Variants in DCAF1 observed in about 807,000 individuals in gnomAD.
DCAF1 encodes DDB1 and CUL4 associated factor 1.
Under a neutral mutation model 128.0 loss-of-function variants are expected in DCAF1, and 15 were observed. The observed-to-expected ratio is 0.12, with a 90% CI of 0.08 to 0.18. The LOEUF is 0.18. Ranked by LOEUF, DCAF1 falls within the 10% of genes least tolerant of loss-of-function variation. The pLI, the probability that DCAF1 is intolerant of heterozygous loss-of-function variation, is 1.00. For synonymous variants in DCAF1, 610 were observed against 603.0 expected, an observed-to-expected ratio of 1.01 and a Z score of -0.17; for missense variants, 988 against 1,649.5, an observed-to-expected ratio of 0.60 and a Z score of 6.95.
At chr3:51,481,064 C>T (rs1256158464) in intron 3 of DCAF1, among the ~76,000 whole-genome samples, 1 of 152,062 alleles carries the variant, frequency 6.6e-6, no homozygotes, top group Non-Finnish European at 1.5e-5. Flanking sequence ...GTCACTGGAA[C>T]GTGGGAATCC....
intron 5 of DCAF1, among the ~76,000 whole-genome samples, chr3:51,464,634 G>A (rs1370788400): frequency 6.6e-6 from 1 of 151,622 alleles, no homozygotes; most frequent in Non-Finnish European, 1.5e-5. Context: ...GGTCAAGGCT[G>A]CAGTGAGTGA....
intron 18 of DCAF1, among the ~76,000 whole-genome samples, chr3:51,415,973 G>A (rs1698844136): frequency 6.6e-6 from 1 of 151,948 alleles, no homozygotes; most frequent in African/African-American, 2.4e-5. Flanking sequence ...CAGGGCCAAG[G>A]TCCTCCATTT....
intron 9 of DCAF1, among the ~76,000 whole-genome samples, chr3:51,437,685 C>T (rs888560884): frequency 6.6e-6 from 1 of 151,770 alleles, no homozygotes; most frequent in African/African-American, 2.4e-5. Context: ...CAGGGTGGTG[C>T]GCACCTGCAG....
downstream of DCAF1, chr3:51,397,343 G>T (rs146765417): frequency 1.8e-5 from 3 of 167,080 alleles, no homozygotes; most frequent in African/African-American, 7.2e-5. Context: ...GGCCTCTGAA[G>T]TATCTTTCTA....
In DCAF1 at chr3:51,398,623, C is replaced by A; in HGVS notation, c.*146G>T. On this transcript the variant is annotated 3_prime_UTR_variant, in exon 25 of 25. Transcript: ENST00000684031. ...GAAGGACCCTCGGGTGCCAATGAGG[C>A]TCTCTAAGCCATAATCTTCTGAATG... 2 of 1,083,452 alleles carry A rather than the reference C, an allele frequency of 1.8e-6. No homozygotes were observed. Among genetic ancestry groups the A allele is most frequent in the Non-Finnish European group, 2.6e-6 (2 of 767,754 alleles). The allele number at this position is 1,083,452 out of a possible 1,614,324, so 67.1% of individuals were successfully genotyped here.
intron 10 of DCAF1, among the ~76,000 whole-genome samples, chr3:51,431,959 C>G (rs1216807200): frequency 6.6e-6 from 1 of 150,746 alleles, no homozygotes; most frequent in Non-Finnish European, 1.5e-5. Context: ...GCCTGGACAA[C>G]AGAGCGAGAC....
At chr3:51,472,996 G>C (rs1390331781) in intron 3 of DCAF1, among the ~76,000 whole-genome samples, 1 of 150,816 alleles carries the variant, frequency 6.6e-6, no homozygotes, top group Non-Finnish European at 1.5e-5. Flanking sequence ...AAGAAAAATG[G>C]CTGGGCACAG....
At chr3:51,461,439 T>C (rs1390658882) in intron 6 of DCAF1, among the ~76,000 whole-genome samples, 3 of 152,064 alleles carry the variant, frequency 2.0e-5, no homozygotes, top group Admixed American at 6.6e-5. Context: ...TGCGGAGAAA[T>C]AGGAACACTT....
the DCAF1 span, among the ~76,000 whole-genome samples, chr3:51,505,607 G>A: frequency 6.6e-6 from 1 of 152,238 alleles, no homozygotes; most frequent in East Asian, 1.9e-4. Flanking sequence ...AGCCCCCTCT[G>A]CCCTGCTCCT....
intron 21 of DCAF1, 53 bp downstream of exon 21, chr3:51,413,229 T>C: frequency 6.3e-7 from 1 of 1,575,984 alleles, no homozygotes; most frequent in Non-Finnish European, 8.6e-7. Flanking sequence ...GGATCTTAAA[T>C]AAGGAACACC....
Position 51,441,429 on chromosome 3 carries a change from G to A in DCAF1, c.982C>T (p.Arg328Ter). 1.2e-6 allele frequency: 2 copies of A among 1,613,750 alleles called. No homozygotes were observed. Among genetic ancestry groups the A allele is most frequent in the Non-Finnish European group, 1.7e-6 (2 of 1,179,808 alleles). ...LYPMTPAIEQ[R>*]LILQYLTPLG... The stretch of plus-strand genomic sequence containing the variant: ...GGGGTCAAATATTGGAGAATGAGTC[G>A]CTGCTCGATAGCAGGAGTCATAGGA... Residue 328 changes from arginine to a stop codon, truncating the protein, a stop_gained, in exon 8 of 25, where the codon CGA becomes TGA. Transcript: ENST00000684031. LOFTEE classifies it high-confidence loss of function.
chr3:51,435,322 C>A (rs983444411), intron 9 of DCAF1, among the ~76,000 whole-genome samples: 2,870 of 152,278 alleles, frequency 0.019, 30 homozygotes, highest in Middle Eastern at 0.044. Context: ...ACAACTTTGA[C>A]CTCCAGCTTC....
At chr3:51,453,322 C>T (rs1702542722) in intron 6 of DCAF1, among the ~76,000 whole-genome samples, 2 of 152,074 alleles carry the variant, frequency 1.3e-5, no homozygotes, top group Admixed American at 1.3e-4. Flanking sequence ...TTGGGTCATA[C>T]ACTTAACTAT....
intron 7 of DCAF1, among the ~76,000 whole-genome samples, chr3:51,443,118 GATATT>G (rs1701522386): frequency 6.6e-6 from 1 of 152,130 alleles, no homozygotes; most frequent in African/African-American, 2.4e-5. Context: ...CAGATGGATG[GATATT>G]ATAAGTGTTC....
At chr3:51,483,926 G>A (rs1397586228) in intron 2 of DCAF1, 90 bp from the exon 3 acceptor site, 1 of 893,742 alleles carries the variant, frequency 1.1e-6, no homozygotes, top group African/African-American at 1.7e-5. Flanking sequence ...GGACGAGAAG[G>A]CAAGAGAAAA....
intron 22 of DCAF1, 80 bp from the exon 23 acceptor site, chr3:51,412,560 C>G (rs1215404437): frequency 1.3e-6 from 2 of 1,592,540 alleles, no homozygotes; most frequent in South Asian, 2.2e-5. Flanking sequence ...GACTGGTGCC[C>G]ATGACCTTGA....
intron 9 of DCAF1, among the ~76,000 whole-genome samples, chr3:51,433,705 C>T (rs1308972150): frequency 2.7e-5 from 4 of 150,842 alleles, no homozygotes; most frequent in East Asian, 2.0e-4. Context: ...TCAGGTGATC[C>T]GCCCACCTGT....
At chr3:51,468,890 G>A (rs1704424961) in intron 4 of DCAF1, among the ~76,000 whole-genome samples, 1 of 152,106 alleles carries the variant, frequency 6.6e-6, no homozygotes, top group African/African-American at 2.4e-5. Flanking sequence ...CATTCAGCAT[G>A]ATTATCTATC....
intron 18 of DCAF1, among the ~76,000 whole-genome samples, chr3:51,415,309 G>A (rs62257540): frequency 0.19 from 28,619 of 151,746 alleles, 3,057 homozygotes; most frequent in South Asian, 0.36. Context: ...CCTGGGCAAC[G>A]TTGGGGAAAT....
Sources: gnomAD v4.1 joint callset for allele counts (sites outside exome capture counted in the v4.1 genomes callset) on GRCh38, gnomAD v4.1.1 for gene constraint, MANE v1.5 for transcripts, NCBI Gene and HGNC (gene_info 2026-07-23, HGNC 2026-07-21) for gene names.